FAM193A: variants seen among roughly 807,000 people sequenced by gnomAD.
FAM193A encodes the protein family with sequence similarity 193 member A.
Under a neutral mutation model 126.5 loss-of-function variants are expected in FAM193A, and 22 were observed. The observed-to-expected ratio is 0.17, with a 90% CI of 0.12 to 0.25. FAM193A has a LOEUF of 0.25. FAM193A is among the 10% of genes least tolerant of loss of function. FAM193A has a pLI of 1.00. For missense variants in FAM193A, 1,675 were observed against 1,672.8 expected (o/e 1.00, Z -0.02); for synonymous variants, 761 against 646.8 (o/e 1.18, Z -2.68).
At chr4:2,569,376 T>C (rs893781887) in intron 1 of FAM193A, among the ~76,000 whole-genome samples, 2 of 152,224 alleles carry the variant, frequency 1.3e-5, no homozygotes, top group Non-Finnish European at 2.9e-5. Flanking sequence ...AAAAATTGGA[T>C]TTTATTTAGC....
chr4:2,653,168 T>A (rs893165633), intron 7 of FAM193A, among the ~76,000 whole-genome samples: 2 of 152,248 alleles, frequency 1.3e-5, no homozygotes, highest in African/African-American at 4.8e-5. Context: ...AGGGAAATTC[T>A]TTTACTAAGA....
At chr4:2,707,940 A>G (rs1489140820) in intron 19 of FAM193A, among the ~76,000 whole-genome samples, 1 of 151,962 alleles carries the variant, frequency 6.6e-6, no homozygotes, top group African/African-American at 2.4e-5. Flanking sequence ...AGTAGAGACC[A>G]GGTTTTACTA....
chr4:2,698,101 G>T (rs1056746379), intron 18 of FAM193A, among the ~76,000 whole-genome samples: 4 of 152,218 alleles, frequency 2.6e-5, no homozygotes, highest in Non-Finnish European at 5.9e-5. Context: ...TTACAGAGCA[G>T]CTCACAGATG....
chr4:2,645,817 G>C (rs1745080063), intron 6 of FAM193A, among the ~76,000 whole-genome samples: 1 of 152,256 alleles, frequency 6.6e-6, no homozygotes, highest in East Asian at 1.9e-4. Flanking sequence ...GTGAGCCACT[G>C]CACCTGACCG....
chr4:2,673,220 T>C (rs1394835410), intron 13 of FAM193A, among the ~76,000 whole-genome samples: 2 of 152,218 alleles, frequency 1.3e-5, no homozygotes, highest in African/African-American at 4.8e-5. Flanking sequence ...GTCAAAAATA[T>C]AATTTATTTC....
intron 19 of FAM193A, among the ~76,000 whole-genome samples, chr4:2,712,357 C>T (rs538272967): frequency 6.6e-6 from 1 of 152,164 alleles, no homozygotes; most frequent in Non-Finnish European, 1.5e-5. Flanking sequence ...TGTTTTCTTG[C>T]ATCTCCTGTT....
chr4:2,550,461 A>T (rs1303510454), intron 1 of FAM193A, among the ~76,000 whole-genome samples: 1 of 151,718 alleles, frequency 6.6e-6, no homozygotes, highest in Non-Finnish European at 1.5e-5. Context: ...TTTGAGGCAG[A>T]GTTTCGCTCT....
chr4:2,617,638 A>G (rs114028720), intron 2 of FAM193A, among the ~76,000 whole-genome samples: 2,667 of 151,852 alleles, frequency 0.018, 62 homozygotes, highest in African/African-American at 0.051. Flanking sequence ...TTGTTTTATA[A>G]TTTTTTAGCT....
chr4:2,639,089 G>T (rs181723009), intron 5 of FAM193A, among the ~76,000 whole-genome samples: 8 of 152,302 alleles, frequency 5.3e-5, no homozygotes, highest in African/African-American at 1.7e-4. Flanking sequence ...ATTTAGGAAA[G>T]GTAATAATGG....
intron 2 of FAM193A, among the ~76,000 whole-genome samples, chr4:2,597,742 A>T (rs1409834853): frequency 6.6e-6 from 1 of 152,208 alleles, no homozygotes; most frequent in Non-Finnish European, 1.5e-5. Flanking sequence ...TGGCCTTTAA[A>T]AAAATAACAT....
At position 2,660,009 on chromosome 4, in the gene FAM193A, A is replaced by G. The variant is rs747969103; in HGVS notation, c.1700A>G (p.Gln567Arg). The G allele has an allele frequency of 3.1e-6, 5 of 1,614,168 alleles. No individual in the cohort carries two copies. Among genetic ancestry groups the G allele is most frequent in the Non-Finnish European group, 4.2e-6 (5 of 1,180,030 alleles). The part of the protein sequence containing the change: ...SGSSSPITIQ[Q>R]HPRLILTDSG... ...TCCAGCTCTCCCATCACAATTCAGC[A>G]GCACCCCAGGCTCATCCTCACAGAC... The change falls in exon 10 of 21, where the codon CAG (glutamine) becomes CGG (arginine). Residue 567 changes from glutamine to arginine, a missense_variant. Gln to Arg is a conservative substitution (Grantham distance 43). Around this residue, in one of 4 missense-constraint regions of FAM193A, gnomAD observed 1,186 missense variants for 1,109.2 expected, o/e 1.07. Transcript: ENST00000637812.
At chr4:2,571,946 A>T (rs532407006) in intron 1 of FAM193A, among the ~76,000 whole-genome samples, 1 of 151,220 alleles carries the variant, frequency 6.6e-6, no homozygotes, top group Non-Finnish European at 1.5e-5. Flanking sequence ...CTGGTGGATC[A>T]TGAGGTCAGG....
intron 2 of FAM193A, among the ~76,000 whole-genome samples, chr4:2,618,291 G>GT (rs1742327434): frequency 6.6e-6 from 1 of 152,102 alleles, no homozygotes; most frequent in African/African-American, 2.4e-5. Context: ...TGAATTTATA[G>GT]TTTCCTCAAA....
intron 2 of FAM193A, among the ~76,000 whole-genome samples, chr4:2,619,391 C>G (rs1560486334): frequency 1.3e-5 from 2 of 150,752 alleles, no homozygotes; most frequent in Non-Finnish European, 3.0e-5. Context: ...CAACCTCCGC[C>G]TCCTGGGTTC....
chr4:2,594,799 CTTTCTTTTTCT>C (rs1363774236), intron 1 of FAM193A, among the ~76,000 whole-genome samples: 5 of 81,742 alleles, frequency 6.1e-5, no homozygotes, highest in African/African-American at 2.5e-4. Context: ...GACTCAGTTT[CTTTCTTTTTCT>C]TTTCTTTTCC....
intron 13 of FAM193A, among the ~76,000 whole-genome samples, chr4:2,684,745 C>T (rs1715538594): frequency 6.6e-6 from 1 of 152,178 alleles, no homozygotes; most frequent in South Asian, 2.1e-4. Context: ...CCCTCACCTC[C>T]ACCTCGCTTC....
chr4:2,582,140 T>G (rs1158607681), intron 1 of FAM193A, among the ~76,000 whole-genome samples: 1 of 152,112 alleles, frequency 6.6e-6, no homozygotes, highest in Non-Finnish European at 1.5e-5. Context: ...GCTTTCAGTC[T>G]CTCCTCTCCT....
chr4:2,679,699 C>G (rs1266751793), intron 13 of FAM193A, among the ~76,000 whole-genome samples: 3 of 151,828 alleles, frequency 2.0e-5, no homozygotes, highest in African/African-American at 7.3e-5. Flanking sequence ...CTTACAGTGT[C>G]TTTGGCTTTG....
At chr4:2,703,893 G>T (rs550205347) in intron 19 of FAM193A, among the ~76,000 whole-genome samples, 1 of 150,792 alleles carries the variant, frequency 6.6e-6, no homozygotes, top group East Asian at 2.0e-4. Context: ...AATCGCTGGA[G>T]CCCAGGAGTT....
Sources: allele counts gnomAD v4.1 joint callset (sites outside exome capture counted in the v4.1 genomes callset), GRCh38; gene constraint gnomAD v4.1.1; regional missense constraint gnomAD v4.1.1; transcripts MANE v1.5; gene names NCBI Gene and HGNC (gene_info 2026-07-23, HGNC 2026-07-21).